Variants in TULP4 observed in about 807,000 individuals in gnomAD.
TULP4 encodes the protein TUB like protein 4, also known as tubby-related protein 4.
Under a neutral mutation model 129.0 loss-of-function variants are expected in TULP4, and 16 were observed. The observed-to-expected ratio is 0.12, with a 90% CI of 0.08 to 0.19. The LOEUF (loss-of-function observed/expected upper bound fraction) is 0.19, where lower values mean the gene tolerates loss of function less well. Among genes scored for constraint, TULP4 ranks in the 10% least tolerant of loss-of-function variants. TULP4 has a pLI of 1.00. For synonymous variants in TULP4, 998 were observed against 854.0 expected, an observed-to-expected ratio of 1.17 and a Z score of -2.94; for missense variants, 1,842 against 2,059.1, an observed-to-expected ratio of 0.89 and a Z score of 2.04.
At chr6:158,309,036 C>T (rs1363700475), upstream of TULP4, among the ~76,000 whole-genome samples, 1 of 144,302 alleles carries the variant, frequency 6.9e-6, no homozygotes, top group South Asian at 2.3e-4. Flanking sequence ...GGGGGCTGAC[C>T]CCCACCTCCC....
At chr6:158,351,143 A>G (rs1344054218) in intron 1 of TULP4, among the ~76,000 whole-genome samples, 1 of 152,168 alleles carries the variant, frequency 6.6e-6, no homozygotes, top group Non-Finnish European at 1.5e-5. Context: ...TTGCATTTTT[A>G]TATGGATGGT....
chr6:158,458,362 G>A (rs372484708), intron 5 of TULP4, among the ~76,000 whole-genome samples: 10 of 152,236 alleles, frequency 6.6e-5, no homozygotes, highest in African/African-American at 1.9e-4. Flanking sequence ...ATCAGAGACC[G>A]AAAACCCACA....
chr6:158,335,134 G>A (rs62437382), intron 1 of TULP4, among the ~76,000 whole-genome samples: 1 of 151,896 alleles, frequency 6.6e-6, no homozygotes, highest in African/African-American at 2.4e-5. Context: ...AAAATTAGCA[G>A]AGTGTGGTGG....
At chr6:158,324,916 T>C (rs936431373) in intron 1 of TULP4, among the ~76,000 whole-genome samples, 1 of 152,136 alleles carries the variant, frequency 6.6e-6, no homozygotes. Context: ...TGAATGACTG[T>C]GGTATGTGTG....
At chr6:158,365,448 TTTTTTTTC>T (rs1268790791) in intron 1 of TULP4, among the ~76,000 whole-genome samples, 4 of 151,660 alleles carry the variant, frequency 2.6e-5, no homozygotes, top group African/African-American at 7.2e-5. Context: ...TTTGGAAGTT[TTTTTTTTC>T]TTTTTTTCTT....
At chr6:158,252,555 C>T (rs968519635) in intron 1 of TULP4, among the ~76,000 whole-genome samples, 7 of 151,790 alleles carry the variant, frequency 4.6e-5, no homozygotes, top group African/African-American at 7.3e-5. Context: ...TTTGTATTTT[C>T]GGTAGAGACG....
intron 6 of TULP4, among the ~76,000 whole-genome samples, chr6:158,462,185 A>T (rs1562576567): frequency 6.6e-6 from 1 of 152,204 alleles, no homozygotes; most frequent in Non-Finnish European, 1.5e-5. Context: ...AAGTCTCTAG[A>T]GTAGCTCAAA....
upstream of TULP4, among the ~76,000 whole-genome samples, chr6:158,308,086 G>A (rs1399903979): frequency 1.4e-5 from 2 of 142,828 alleles, no homozygotes; most frequent in Admixed American, 1.4e-4. Context: ...ATAGTGGAGG[G>A]AAGGTCAGCA....
chr6:158,290,219 A>G (rs1778910213), intron 1 of TULP4, among the ~76,000 whole-genome samples: 1 of 152,174 alleles, frequency 6.6e-6, no homozygotes, highest in African/African-American at 2.4e-5. Flanking sequence ...AGTAATAGCC[A>G]TTTTAACTGG....
At chr6:158,453,067 T>C (rs1779199268) in intron 5 of TULP4, among the ~76,000 whole-genome samples, 1 of 152,132 alleles carries the variant, frequency 6.6e-6, no homozygotes, top group Non-Finnish European at 1.5e-5. Flanking sequence ...GCCAGGAACT[T>C]TGGTGTAACT....
intron 1 of TULP4, among the ~76,000 whole-genome samples, chr6:158,355,412 GA>G (rs1780622300): frequency 6.6e-6 from 1 of 152,132 alleles, no homozygotes; most frequent in African/African-American, 2.4e-5. Context: ...AAGGGTAAAT[GA>G]AAATTTATGA....
intron 1 of TULP4, among the ~76,000 whole-genome samples, chr6:158,323,032 C>T (rs1016660307): frequency 6.6e-6 from 1 of 152,124 alleles, no homozygotes; most frequent in Non-Finnish European, 1.5e-5. Context: ...TTTAGAGAGG[C>T]ATTTCTGAGA....
chr6:158,396,597 A>G (rs1777723552), intron 1 of TULP4, among the ~76,000 whole-genome samples: 1 of 152,208 alleles, frequency 6.6e-6, no homozygotes, highest in Non-Finnish European at 1.5e-5. Context: ...TCTAATTTTT[A>G]TGTAATTACA....
intron 1 of TULP4, among the ~76,000 whole-genome samples, chr6:158,334,142 G>T (rs765609137): frequency 3.3e-5 from 5 of 152,094 alleles, no homozygotes; most frequent in Admixed American, 1.3e-4. Flanking sequence ...CTCCTGTTTC[G>T]TGCAATACTG....
At chr6:158,297,596 T>C (rs1026934217) in intron 1 of TULP4, among the ~76,000 whole-genome samples, 1 of 152,124 alleles carries the variant, frequency 6.6e-6, no homozygotes, top group Admixed American at 6.5e-5. Flanking sequence ...GCTTAAGAAA[T>C]TATAAAAGTA....
intron 5 of TULP4, among the ~76,000 whole-genome samples, chr6:158,460,554 A>G (rs980945508): frequency 6.6e-6 from 1 of 152,232 alleles, no homozygotes; most frequent in Admixed American, 6.5e-5. Context: ...AAACCTTTTA[A>G]TAACCATTTC....
At chr6:158,252,247 T>G (rs952813721) in intron 1 of TULP4, among the ~76,000 whole-genome samples, 1 of 152,324 alleles carries the variant, frequency 6.6e-6, no homozygotes, top group Middle Eastern at 3.4e-3. Flanking sequence ...TTCTGTGTAG[T>G]CAAACCTATC....
At chr6:158,450,989 C>T (rs945022000) in intron 4 of TULP4, among the ~76,000 whole-genome samples, 2 of 152,054 alleles carry the variant, frequency 1.3e-5, no homozygotes, top group African/African-American at 2.4e-5. Context: ...GGCTTGAACC[C>T]GGGAGGCGGA....
At chr6:158,302,588 CG>C (rs1562511518) in intron 1 of TULP4, among the ~76,000 whole-genome samples, 1 of 152,108 alleles carries the variant, frequency 6.6e-6, no homozygotes, top group Non-Finnish European at 1.5e-5. Flanking sequence ...CTTGAGAGAG[CG>C]GCCGCTGCTC....
Sources: gnomAD v4.1 joint callset for allele counts (sites outside exome capture counted in the v4.1 genomes callset) on GRCh38, gnomAD v4.1.1 for gene constraint, MANE v1.5 for transcripts, NCBI Gene and HGNC (gene_info 2026-07-23, HGNC 2026-07-21) for gene names.